The following DENND1B variants were observed in gnomAD, a reference collection of about 807,000 sequenced individuals.
DENND1B encodes DENN domain containing 1B.
Under a neutral mutation model 90.1 loss-of-function variants are expected in DENND1B, and 59 were observed. The observed-to-expected ratio is 0.65, with a 90% CI of 0.53 to 0.81. The LOEUF is 0.81. DENND1B is among the 40% of genes least tolerant of loss of function. The pLI is 0.00. For missense variants in DENND1B, 862 were observed against 912.6 expected (o/e 0.94, Z 0.71); for synonymous variants, 337 against 324.6 (o/e 1.04, Z -0.41).
At chr1:197,715,422 A>G (rs1660549998) in intron 2 of DENND1B, among the ~76,000 whole-genome samples, 1 of 151,920 alleles carries the variant, frequency 6.6e-6, no homozygotes, top group Admixed American at 6.6e-5. Context: ...ACACTTTTAA[A>G]ATACTGGTAT....
chr1:197,735,649 T>C lies in DENND1B; in HGVS notation c.83-20575A>G, dbSNP rs116648413. 6.4e-5 allele frequency: 103 copies of C among 1,614,186 alleles called. 1 individual carries two copies. In the African/African-American group the frequency reaches 1.3e-3, roughly 20 times the overall value. ...GGAGCTGCCGCCATGAAGGTCGAGCTATGCGGTTTCAGCCGGTACAAGGTC... is the reference window on the plus strand; with the variant it reads ...GGAGCTGCCGCCATGAAGGTCGAGCCATGCGGTTTCAGCCGGTACAAGGTC... On this transcript the variant is annotated intron_variant, in intron 2 of 22. Coordinates refer to ENST00000620048, the MANE Select transcript of DENND1B (RefSeq NM_001195215.2).
intron 2 of DENND1B, chr1:197,734,083 C>T (rs1662403436): frequency 1.0e-6 from 1 of 955,622 alleles, no homozygotes; most frequent in Admixed American, 6.2e-5. Context: ...CTGTATTTTT[C>T]ACTGAAGGAC....
chr1:197,543,223 A>G (rs1670476041), intron 18 of DENND1B, among the ~76,000 whole-genome samples: 1 of 152,130 alleles, frequency 6.6e-6, no homozygotes, highest in Non-Finnish European at 1.5e-5. Context: ...TGTGAGCCAC[A>G]GCACCCGGCC....
intron 13 of DENND1B, among the ~76,000 whole-genome samples, chr1:197,600,917 T>C (rs1660946640): frequency 6.6e-6 from 1 of 151,632 alleles, no homozygotes; most frequent in South Asian, 2.1e-4. Context: ...AGAAGAACAC[T>C]TGAGCCCCCG....
intron 2 of DENND1B, among the ~76,000 whole-genome samples, chr1:197,756,218 G>A (rs1233345603): frequency 1.3e-5 from 2 of 152,164 alleles, no homozygotes; most frequent in Non-Finnish European, 2.9e-5. Context: ...CTGTTCCTCT[G>A]TGGATTTTAG....
At chr1:197,657,882 A>C (rs1654008880) in intron 6 of DENND1B, among the ~76,000 whole-genome samples, 1 of 152,200 alleles carries the variant, frequency 6.6e-6, no homozygotes, top group Non-Finnish European at 1.5e-5. Context: ...GAATGAATGA[A>C]CAAACTGGGG....
rs371373135 is a variant in DENND1B, at chr1:197,726,785, T to A, written c.83-11711A>T. On this transcript the variant is annotated intron_variant, in intron 2 of 22. Coordinates refer to ENST00000620048, the MANE Select transcript of DENND1B (RefSeq NM_001195215.2). ...TATCAAGCTGGAAAAAAACTGATTC[T>A]AAATATCAATGTGATGTGATGTCAT... 1.1e-4 allele frequency among the ~76,000 whole-genome samples: 16 copies of A among 152,190 alleles called. 1 individual carries two copies. The highest frequency in any genetic ancestry group is 9.8e-4 in the Admixed American group (15 of 15,274).
intron 2 of DENND1B, among the ~76,000 whole-genome samples, chr1:197,717,639 T>G (rs1660768265): frequency 6.6e-6 from 1 of 151,996 alleles, no homozygotes. Context: ...ATATTTAAAG[T>G]ATGATTTGCA....
At chr1:197,598,289 G>A (rs1675889436) in intron 13 of DENND1B, among the ~76,000 whole-genome samples, 1 of 151,720 alleles carries the variant, frequency 6.6e-6, no homozygotes, top group Non-Finnish European at 1.5e-5. Flanking sequence ...GACCAGAAGG[G>A]CAGCTAAGTG....
chr1:197,733,095 G>C (rs2488400), intron 2 of DENND1B, among the ~76,000 whole-genome samples: 123,387 of 152,112 alleles, frequency 0.81, 50,161 homozygotes, highest in Middle Eastern at 0.87. Context: ...AAAGGATCAA[G>C]ATTTTGTACT....
intron 5 of DENND1B, among the ~76,000 whole-genome samples, chr1:197,667,304 G>C (rs999954549): frequency 6.6e-6 from 1 of 152,136 alleles, no homozygotes; most frequent in Non-Finnish European, 1.5e-5. Context: ...TGAAATTACA[G>C]AGAAACATCA....
intron 10 of DENND1B, among the ~76,000 whole-genome samples, chr1:197,636,493 C>T (rs1019090024): frequency 2.6e-5 from 4 of 152,096 alleles, no homozygotes; most frequent in Non-Finnish European, 5.9e-5. Flanking sequence ...ACTGGTTAAA[C>T]CAATTCCTAG....
upstream of DENND1B, among the ~76,000 whole-genome samples, chr1:197,776,161 T>C (rs1336000063): frequency 2.0e-5 from 3 of 152,148 alleles, no homozygotes; most frequent in African/African-American, 7.2e-5. Context: ...CACCACTGAA[T>C]AAGCGTGGGA....
At position 197,611,975 on chromosome 1, in the gene DENND1B, C is replaced by A; in HGVS notation, c.775G>T (p.Ala259Ser). The A allele has an allele frequency of 3.1e-6, 5 of 1,601,598 alleles. No individual in the cohort carries two copies. The highest frequency in any genetic ancestry group is 4.3e-6 in the Non-Finnish European group (5 of 1,171,438). ...ATTCCAATCAGGTATGGCATTGGGG[C>A]ACTAAATTAAAAATATATATATGCA... ...LPPHLLDYCC[A>S]PMPYLIGIHS... Residue 259 changes from alanine to serine, a missense_variant and splice_region_variant, in exon 12 of 23, where the codon GCC (alanine) becomes TCC (serine). By Grantham distance (99) the Ala-to-Ser change is moderately conservative. Coordinates refer to ENST00000620048, the MANE Select transcript of DENND1B (RefSeq NM_001195215.2).
At chr1:197,770,258 C>A (rs527747550) in intron 2 of DENND1B, among the ~76,000 whole-genome samples, 14 of 151,002 alleles carry the variant, frequency 9.3e-5, no homozygotes, top group African/African-American at 3.4e-4. Flanking sequence ...ATATTTACAA[C>A]TTTACCAGGC....
chr1:197,584,812 C>A (rs1674554914), intron 14 of DENND1B, among the ~76,000 whole-genome samples: 1 of 152,024 alleles, frequency 6.6e-6, no homozygotes, highest in Non-Finnish European at 1.5e-5. Flanking sequence ...GCTGGGACTA[C>A]AGGCACATGC....
At chr1:197,680,602 A>C (rs1448074095) in intron 3 of DENND1B, among the ~76,000 whole-genome samples, 1 of 152,206 alleles carries the variant, frequency 6.6e-6, no homozygotes, top group African/African-American at 2.4e-5. Context: ...AGATCATTAG[A>C]AAATAGATGT....
At chr1:197,746,772 G>A in intron 2 of DENND1B, 1 of 1,466,954 alleles carries the variant, frequency 6.8e-7, no homozygotes, top group Non-Finnish European at 9.5e-7. Flanking sequence ...ATGTCACTTT[G>A]GGTTTCCCAT....
chr1:197,529,240 ATATGTGTG>A (rs1669411945), intron 20 of DENND1B, among the ~76,000 whole-genome samples: 2 of 9,406 alleles, frequency 2.1e-4, no homozygotes, highest in African/African-American at 4.3e-4. Flanking sequence ...ATATATATAT[ATATGTGTG>A]TGTGTGTGTG....
Sources: gnomAD v4.1 joint callset for allele counts (sites outside exome capture counted in the v4.1 genomes callset) on GRCh38, gnomAD v4.1.1 for gene constraint, MANE v1.5 for transcripts, NCBI Gene and HGNC (gene_info 2026-07-23, HGNC 2026-07-21) for gene names.